SFTPA2: variants seen among roughly 807,000 people sequenced by gnomAD.
The protein encoded by SFTPA2 is surfactant protein A2.
Under a neutral mutation model 20.3 loss-of-function variants are expected in SFTPA2, and 21 were observed. The observed-to-expected ratio is 1.03, with a 90% CI of 0.73 to 1.49. The LOEUF (loss-of-function observed/expected upper bound fraction) is 1.49. Ranked by LOEUF, SFTPA2 falls within the 40% of genes most tolerant of loss-of-function variation. The pLI is 0.00. For missense variants in SFTPA2, 302 were observed against 314.8 expected, an observed-to-expected ratio of 0.96 and a Z score of 0.31; for synonymous variants, 116 against 118.7, an observed-to-expected ratio of 0.98 and a Z score of 0.15.
chr10:79,559,470 G>A lies in SFTPA2; in HGVS notation c.14C>T (p.Pro5Leu), dbSNP rs762122845. The change falls in exon 3 of 6, where the codon CCT becomes CTT. Residue 5 changes from proline to leucine, a missense_variant. Pro to Leu is a moderately conservative substitution (Grantham distance 98). This residue lies in a region of SFTPA2 where 31 missense variants were observed against 29.8 expected (regional missense o/e 1.04). Transcript: ENST00000372325. Reference sequence around the variant, plus strand: ...CATCAAGATGAGGGTGAGGGCCAGAGGGCACAGCCACATGGCTCTGGGTCC... The same window carrying A: ...CATCAAGATGAGGGTGAGGGCCAGAAGGCACAGCCACATGGCTCTGGGTCC... Reference protein sequence around the residue: MWLCPLALTLILMAA... With the variant: MWLCLLALTLILMAA... The A allele has an allele frequency of 1.4e-5, 23 of 1,613,086 alleles. No homozygotes were observed. The South Asian group carries it at 2.4e-4, about 17-fold the overall frequency.
rs2434114 is a variant in SFTPA2, at chr10:79,558,992, C to A, written c.186G>T (p.Pro62=). ...CAGGAGGACATGGTGTTTCTCCAGG[C>A]GGACCCATGGGGCCTGCAGAGAAAA... ...GDPGPPGPMG[P]PGETPCPPGN... is the part of the protein sequence containing the mutation. The change falls in exon 4 of 6, where the codon CCG becomes CCT. Residue 62 remains proline (P), a synonymous_variant. Coordinates refer to ENST00000372325, the MANE Select transcript of SFTPA2 (RefSeq NM_001098668.4). 18 of 1,613,926 alleles carry A rather than the reference C, an allele frequency of 1.1e-5. 1 individual carries two copies. In the East Asian group the frequency reaches 3.6e-4, roughly 32 times the overall value.
chr10:79,559,554 T>C (rs974381007), intron 2 of SFTPA2, 48 bp from the exon 3 acceptor site: 1 of 1,605,956 alleles, frequency 6.2e-7, no homozygotes, highest in Non-Finnish European at 8.5e-7. Flanking sequence ...TGCCAACATC[T>C]CCCCCACTGT....
Position 79,556,945 on chromosome 10 carries a change from C to G in SFTPA2, c.*264G>C, listed in dbSNP as rs759078057. 24 of 591,918 alleles carry G rather than the reference C, an allele frequency of 4.1e-5. No individual in the cohort carries two copies. In the Admixed American group the frequency reaches 7.0e-4, roughly 17 times the overall value. The allele number at this position is 591,918 out of a possible 1,614,324, so 36.7% of individuals were successfully genotyped here. A position where few individuals can be genotyped will look rare whatever the true frequency, so the allele number is the denominator to read the frequency against. On this transcript the variant is annotated 3_prime_UTR_variant, in exon 6 of 6. Coordinates refer to ENST00000372325, the MANE Select transcript of SFTPA2 (RefSeq NM_001098668.4). Reference sequence around the variant, plus strand: ...ATGGGGAATAAGGAGGCCTCCATCTCATGCCAAAGGCCAAGGCTAGGAGTG... The same window carrying G: ...ATGGGGAATAAGGAGGCCTCCATCTGATGCCAAAGGCCAAGGCTAGGAGTG...
chr10:79,557,722 A>T, intron 5 of SFTPA2, 137 bp from the exon 6 acceptor site: 1 of 1,085,450 alleles, frequency 9.2e-7, no homozygotes, highest in Non-Finnish European at 1.3e-6. Context: ...TCCTCTTCCA[A>T]TTGCAGTTTT....
At position 79,556,232 on chromosome 10, in the gene SFTPA2, T is replaced by A. The variant is rs916982164; in HGVS notation, c.*977A>T. On this transcript the variant is annotated 3_prime_UTR_variant, in exon 6 of 6. Coordinates refer to ENST00000372325, the MANE Select transcript of SFTPA2 (RefSeq NM_001098668.4). Reference sequence around the variant, plus strand: ...TGGTAATAATTGTGACAGCAACAAGTATTTTTATCCCCATTTCACAGATGA... The same window carrying A: ...TGGTAATAATTGTGACAGCAACAAGAATTTTTATCCCCATTTCACAGATGA... 2 of 167,822 alleles carry A rather than the reference T, an allele frequency of 1.2e-5. No individual in the cohort carries two copies. Among genetic ancestry groups the A allele is most frequent in the African/African-American group, 4.8e-5 (2 of 41,444 alleles). The allele number at this position is 167,822 out of a possible 1,614,324, so 10.4% of individuals were successfully genotyped here. A position where few individuals can be genotyped will look rare whatever the true frequency, so the allele number is the denominator to read the frequency against.
At chr10:79,559,585 G>C (rs1372948468) in intron 2 of SFTPA2, 79 bp from the exon 3 acceptor site, 5 of 1,600,240 alleles carry the variant, frequency 3.1e-6, no homozygotes, top group Non-Finnish European at 4.3e-6. Context: ...GACTCAGGAA[G>C]CTGGGCAGAG....
At chr10:79,559,190 T>C in intron 3 of SFTPA2, 122 bp downstream of exon 3, 2 of 1,471,386 alleles carry the variant, frequency 1.4e-6, no homozygotes, top group Non-Finnish European at 1.9e-6. Context: ...CAGACTGAAG[T>C]CCCACCCAGC....
intron 3 of SFTPA2, 63 bp from the exon 4 acceptor site, chr10:79,559,068 G>C: frequency 1.2e-6 from 2 of 1,613,844 alleles, no homozygotes; most frequent in Non-Finnish European, 1.7e-6. Flanking sequence ...GAGCTAGTGA[G>C]ACTCGATGCC....
At chr10:79,559,846 G>T in intron 2 of SFTPA2, 123 bp downstream of exon 2, 1 of 1,374,154 alleles carries the variant, frequency 7.3e-7, no homozygotes, top group Non-Finnish European at 9.6e-7. Flanking sequence ...TCACCTCTCT[G>T]ATTTCAGCTG....
chr10:79,557,976 T>G, intron 5 of SFTPA2, 76 bp downstream of exon 5: 2 of 1,604,638 alleles, frequency 1.2e-6, no homozygotes, highest in Non-Finnish European at 1.7e-6. Flanking sequence ...GTCATCTCTA[T>G]TCTAGAAGGT....
Position 79,559,423 on chromosome 10 carries a change from C to A in SFTPA2, c.61G>T (p.Glu21Ter). Residue 21 changes from glutamate (E) to a stop codon, truncating the protein, a stop_gained, in exon 3 of 6, where the codon GAA (glutamate) becomes TAA (stop). Coordinates refer to ENST00000372325, the MANE Select transcript of SFTPA2 (RefSeq NM_001098668.4). LOFTEE classifies it high-confidence loss of function. ...ILMAASGAACEVKDVCVGSPG... is the reference protein window; with the variant it reads ...ILMAASGAAC ...CTTCCAACACAAACGTCCTTCACTT[C>A]GCACGCAGCACCAGAGGCTGCCATC... is the stretch of plus-strand genomic sequence containing the variant. 1 of 1,613,592 alleles carries A rather than the reference C, an allele frequency of 6.2e-7. No individual in the cohort carries two copies. The highest frequency in any genetic ancestry group is 1.7e-5 in the Admixed American group (1 of 59,986).
rs182465294 is a variant in SFTPA2, at chr10:79,558,875, G to T, written c.292+11C>A. On this transcript the variant is annotated intron_variant, in intron 4 of 5. Coordinates refer to ENST00000372325, the MANE Select transcript of SFTPA2 (RefSeq NM_001098668.4). ...CATGTTTCCACTGCCCACCTGCCCCGCCCTGCTCACCTGGAGGGCCTCTCT... is the reference window on the plus strand; with the variant it reads ...CATGTTTCCACTGCCCACCTGCCCCTCCCTGCTCACCTGGAGGGCCTCTCT... 3 of 1,613,898 alleles carry T rather than the reference G, an allele frequency of 1.9e-6. No homozygotes were observed. The highest frequency in any genetic ancestry group is 1.7e-5 in the Admixed American group (1 of 60,006).
intron 3 of SFTPA2, 120 bp downstream of exon 3, chr10:79,559,192 C>T (rs1031920950): frequency 3.3e-6 from 5 of 1,494,784 alleles, no homozygotes; most frequent in African/African-American, 1.4e-5. Context: ...GACTGAAGTC[C>T]CACCCAGCTT....
intron 2 of SFTPA2, 79 bp from the exon 3 acceptor site, chr10:79,559,585 G>A (rs1372948468): frequency 5.6e-6 from 9 of 1,600,358 alleles, no homozygotes; most frequent in African/African-American, 1.3e-5. Flanking sequence ...GACTCAGGAA[G>A]CTGGGCAGAG....
rs1858904242 is a variant in SFTPA2 at position 79,558,061 on chromosome 10, T to C, written c.361A>G (p.Thr121Ala). 6.2e-7 allele frequency: 1 copy of C among 1,613,986 alleles called. No homozygotes were observed. Among genetic ancestry groups the C allele is most frequent in the Admixed American group, 1.7e-5 (1 of 60,000 alleles). The change falls in exon 5 of 6, where the codon ACA becomes GCA. Residue 121 changes from threonine (T) to alanine (A), a missense_variant. Physicochemically the swap from Thr to Ala is moderately conservative, Grantham distance 58. Coordinates refer to ENST00000372325, the MANE Select transcript of SFTPA2 (RefSeq NM_001098668.4). The stretch of plus-strand genomic sequence containing the variant: ...CAGGGGGTCCCCTTACCTCCCCTTG[T>C]CTGCAGGATTTGATGTCTGAAGTCG... ...LHDFRHQILQTRGALSLQGSI... is the reference protein window; with the variant it reads ...LHDFRHQILQARGALSLQGSI...
chr10:79,559,039 T>C lies in SFTPA2; in HGVS notation c.173-34A>G, dbSNP rs756353415. ...AAAAGAGACATGGATGTGTAGGATC[T>C]GTCACCCACAACTGGTTGGAGCTAG... is the stretch of plus-strand genomic sequence containing the variant. On this transcript the variant is annotated intron_variant, in intron 3 of 5. Coordinates refer to ENST00000372325, the MANE Select transcript of SFTPA2 (RefSeq NM_001098668.4). 9 of 1,614,052 alleles carry C rather than the reference T, an allele frequency of 5.6e-6. No individual in the cohort carries two copies. The Admixed American group carries it at 1.5e-4, about 27-fold the overall frequency.
Position 79,559,478 on chromosome 10 carries a change from C to G in SFTPA2, c.6G>C (p.Trp2Cys). The change falls in exon 3 of 6, where the codon TGG (tryptophan) becomes TGC (cysteine). Residue 2 changes from tryptophan to cysteine, a missense_variant. Coordinates refer to ENST00000372325, the MANE Select transcript of SFTPA2 (RefSeq NM_001098668.4). The stretch of plus-strand genomic sequence containing the variant: ...TGAGGGTGAGGGCCAGAGGGCACAG[C>G]CACATGGCTCTGGGTCCAGTCGCTG... Reference protein sequence around the residue: MWLCPLALTLIL... With the variant: MCLCPLALTLIL... 2 of 1,612,712 alleles carry G rather than the reference C, an allele frequency of 1.2e-6. No homozygotes were observed. Among genetic ancestry groups the G allele is most frequent in the Non-Finnish European group, 1.7e-6 (2 of 1,179,134 alleles).
intron 2 of SFTPA2, 102 bp from the exon 3 acceptor site, chr10:79,559,608 GGCGGGC>G (rs1416823850): frequency 6.3e-7 from 1 of 1,587,092 alleles, no homozygotes; most frequent in East Asian, 2.3e-5. Flanking sequence ...CGAGAGGCAG[GGCGGGC>G]GAGACCAGAG....
intron 1 of SFTPA2, 178 bp from the exon 2 acceptor site, chr10:79,560,176 G>C (rs920790487): frequency 2.0e-4 from 46 of 233,528 alleles, no homozygotes; most frequent in Non-Finnish European, 1.4e-5. Context: ...GGCCAAGGAA[G>C]ATATCAAAGC....
Sources: gnomAD v4.1 joint callset for allele counts on GRCh38, gnomAD v4.1.1 for gene constraint, gnomAD v4.1.1 regional missense constraint, MANE v1.5 for transcripts, NCBI Gene and HGNC (gene_info 2026-07-23, HGNC 2026-07-21) for gene names.